TTC7B: variants seen among roughly 807,000 people sequenced by gnomAD.
The protein encoded by TTC7B is tetratricopeptide repeat domain 7B.
A neutral mutation model predicts 106.8 loss-of-function variants in TTC7B; 28 were observed. The observed-to-expected ratio is 0.26, with a 90% CI of 0.19 to 0.36. The LOEUF (loss-of-function observed/expected upper bound fraction) is 0.36, where lower values mean the gene tolerates loss of function less well. Ranked by LOEUF, TTC7B falls within the 10% of genes least tolerant of loss-of-function variation. TTC7B has a pLI of 1.00. For synonymous variants in TTC7B, 405 were observed against 430.6 expected (o/e 0.94, Z 0.74); for missense variants, 862 against 1,076.4 (o/e 0.80, Z 2.79).
chr14:90,572,923 T>C (rs1350969416), intron 19 of TTC7B, among the ~76,000 whole-genome samples: 6 of 152,132 alleles, frequency 3.9e-5, no homozygotes, highest in Non-Finnish European at 8.8e-5. Flanking sequence ...AGCGTACTCT[T>C]TGGGCCAACT....
In TTC7B at chr14:90,608,392, G is replaced by A. The variant is rs1293386118; in HGVS notation, c.1966+2350C>T. ...TTGCAGCTGCCTGGTTGGGTCGGGG[G>A]TGGTGTAGGGCTGGTGGCAGGAGTC... On this transcript the variant is annotated intron_variant, in intron 17 of 19. Transcript: ENST00000328459. This position sits in a 1 kb window ranked among gnomAD's most constrained non-coding sequence, Gnocchi z 5.1. Among the ~76,000 whole-genome samples the A allele has an allele frequency of 6.6e-6, 1 of 152,208 alleles. No individual in the cohort carries two copies. Among genetic ancestry groups the A allele is most frequent in the South Asian group, 2.1e-4 (1 of 4,830 alleles).
chr14:90,526,837 TGTGA>T lies in TTC7B; in HGVS notation c.*14527_*14530del, dbSNP rs1468061263. The T allele has an allele frequency of 2.0e-5, 3 of 152,232 alleles. No homozygotes were observed. The highest frequency in any genetic ancestry group is 4.4e-5 in the Non-Finnish European group (3 of 68,060). The allele number at this position is 152,232 out of a possible 1,614,324, so 9.4% of individuals were successfully genotyped here. A position where few individuals can be genotyped will look rare whatever the true frequency, so the allele number is the denominator to read the frequency against. On this transcript the variant is annotated 3_prime_UTR_variant, in exon 20 of 20. Coordinates refer to ENST00000328459, the MANE Select transcript of TTC7B (RefSeq NM_001010854.2). ...TGAGGCCTCTCCAGCCATGCTGAAC[TGTGA>T]GTCAATTAAACTCGTTTTCTTTATA...
intron 5 of TTC7B, among the ~76,000 whole-genome samples, chr14:90,727,702 TTAAGTA>T (rs1159371300): frequency 6.6e-6 from 1 of 152,224 alleles, no homozygotes; most frequent in Non-Finnish European, 1.5e-5. Flanking sequence ...GAGTATACAT[TTAAGTA>T]TATTTCTAAA....
intron 19 of TTC7B, among the ~76,000 whole-genome samples, chr14:90,542,570 C>CA (rs1214569066): frequency 1.3e-5 from 2 of 152,184 alleles, no homozygotes; most frequent in African/African-American, 2.4e-5. Flanking sequence ...TTTGCTGTTC[C>CA]AAATCGCACA....
chr14:90,542,658 A>C (rs1405833827), intron 19 of TTC7B, among the ~76,000 whole-genome samples: 1 of 140,830 alleles, frequency 7.1e-6, no homozygotes, highest in African/African-American at 2.6e-5. Context: ...ATCCCTGAAA[A>C]CCTTTGGTTA....
chr14:90,649,210 G>C (rs752042237), intron 13 of TTC7B, among the ~76,000 whole-genome samples: 11 of 152,304 alleles, frequency 7.2e-5, no homozygotes, highest in South Asian at 2.1e-4. Context: ...TTTCTAATGA[G>C]GCACAACTGA....
At chr14:90,752,719 T>A (rs1019868962) in intron 3 of TTC7B, among the ~76,000 whole-genome samples, 2 of 152,238 alleles carry the variant, frequency 1.3e-5, no homozygotes, top group African/African-American at 4.8e-5. Context: ...CACCACCTTA[T>A]AGATAAGACT....
intron 19 of TTC7B, among the ~76,000 whole-genome samples, chr14:90,563,522 T>C (rs1890672205): frequency 6.6e-6 from 1 of 152,242 alleles, no homozygotes. Context: ...GGCCTCCATG[T>C]TGATGGCTGC....
At chr14:90,593,708 C>A (rs746787805) in intron 17 of TTC7B, 82 bp from the exon 18 acceptor site, 1 of 1,328,432 alleles carries the variant, frequency 7.5e-7, no homozygotes, top group South Asian at 1.6e-5. Context: ...CAGACAAGCG[C>A]GGAACACACA....
At chr14:90,613,794 A>G (rs1892963394) in intron 16 of TTC7B, among the ~76,000 whole-genome samples, 1 of 152,268 alleles carries the variant, frequency 6.6e-6, no homozygotes, top group South Asian at 2.1e-4. Context: ...GTTGTAGTAG[A>G]GCGAAAGGAA....
chr14:90,715,255 A>G (rs908682425), intron 5 of TTC7B, among the ~76,000 whole-genome samples: 4 of 152,176 alleles, frequency 2.6e-5, no homozygotes, highest in African/African-American at 7.2e-5. Context: ...GTTGGGGCTC[A>G]TGAGGATACT....
chr14:90,637,906 C>A (rs1964066743), intron 15 of TTC7B, among the ~76,000 whole-genome samples: 1 of 152,150 alleles, frequency 6.6e-6, no homozygotes, highest in African/African-American at 2.4e-5. Flanking sequence ...AAGCACAATT[C>A]TTTTTTTCTG....
intron 4 of TTC7B, among the ~76,000 whole-genome samples, chr14:90,740,473 C>T (rs1045628904): frequency 2.0e-5 from 3 of 147,218 alleles, no homozygotes; most frequent in Non-Finnish European, 4.5e-5. Flanking sequence ...ACTGCATAAA[C>T]ATTCCCCTGA....
At chr14:90,690,438 C>T (rs563604435) in intron 6 of TTC7B, among the ~76,000 whole-genome samples, 1 of 152,328 alleles carries the variant, frequency 6.6e-6, no homozygotes, top group African/African-American at 2.4e-5. Flanking sequence ...GATTAATATG[C>T]TTCCCAAACT....
chr14:90,754,409 C>T (rs1277776367), intron 3 of TTC7B, among the ~76,000 whole-genome samples: 2 of 152,162 alleles, frequency 1.3e-5, no homozygotes, highest in Non-Finnish European at 2.9e-5. Context: ...TGCAAAAATG[C>T]TAAGTGTTTA....
In TTC7B at chr14:90,693,057, A is replaced by G. The variant is rs528800635; in HGVS notation, c.777+2443T>C. Among the ~76,000 whole-genome samples the G allele has an allele frequency of 6.2e-4, 95 of 152,202 alleles. 1 individual carries two copies. Among genetic ancestry groups the G allele is most frequent in the Non-Finnish European group, 1.2e-3 (80 of 68,038 alleles). ...AGACACCACAATGAAGTCATTTCCT[A>G]TGACATGAATCTCTTAGCCATGCCC... On this transcript the variant is annotated intron_variant, in intron 6 of 19. Coordinates refer to ENST00000328459, the MANE Select transcript of TTC7B (RefSeq NM_001010854.2).
At chr14:90,812,037 C>G (rs570140756) in intron 1 of TTC7B, among the ~76,000 whole-genome samples, 7 of 152,262 alleles carry the variant, frequency 4.6e-5, no homozygotes, top group African/African-American at 1.7e-4. Flanking sequence ...CTACCTTGCC[C>G]AGGGTCACAA....
Position 90,658,391 on chromosome 14 carries a change from G to A in TTC7B, c.1153-4C>T, listed in dbSNP as rs1314429189. 2 of 1,614,054 alleles carry A rather than the reference G, an allele frequency of 1.2e-6. No homozygotes were observed. Among genetic ancestry groups the A allele is most frequent in the Non-Finnish European group, 1.7e-6 (2 of 1,179,936 alleles). ...ACTTCATGGCTCTTTCTAGGCACTG[G>A]TTGGGAAAGAAAAACAAATGCAGAC... On this transcript the variant is annotated splice_region_variant and splice_polypyrimidine_tract_variant and intron_variant, in intron 9 of 19. Transcript: ENST00000328459.
intron 15 of TTC7B, among the ~76,000 whole-genome samples, chr14:90,642,123 C>G (rs1323816953): frequency 6.6e-6 from 1 of 152,038 alleles, no homozygotes; most frequent in African/African-American, 2.4e-5. Flanking sequence ...GGGTAAAATC[C>G]AGAAATATAG....
Sources: gnomAD v4.1 joint callset for allele counts (sites outside exome capture counted in the v4.1 genomes callset) on GRCh38, gnomAD v4.1.1 for gene constraint, Gnocchi (gnomAD v3.1) non-coding constraint, MANE v1.5 for transcripts, NCBI Gene and HGNC (gene_info 2026-07-23, HGNC 2026-07-21) for gene names.